The following GAB4 variants were observed in gnomAD, a reference collection of about 807,000 sequenced individuals.
GAB4 encodes the protein GRB2-associated-binding protein 4.
GAB4 carries 26 observed loss-of-function variants against 51.3 expected under a neutral mutation model. That is an observed-to-expected ratio of 0.51 (90% CI 0.37 to 0.70). The LOEUF is 0.70. Ranked by LOEUF, GAB4 falls within the 30% of genes least tolerant of loss-of-function variation. The pLI is 0.00. For missense variants in GAB4, 759 were observed against 734.6 expected (o/e 1.03, Z -0.38); for synonymous variants, 329 against 291.2 (o/e 1.13, Z -1.32).
At position 17,001,705 on chromosome 22, in the gene GAB4, G is replaced by A. The variant is rs183356884; in HGVS notation, c.174+6236C>T. ...TGCTGTAGATGAGCTGCTTTCCTTC[G>A]GAGGAGAAGAGGCGCTCTGATTTTC... On this transcript the variant is annotated intron_variant, in intron 1 of 9. Transcript: ENST00000400588. Among the ~76,000 whole-genome samples the A allele has an allele frequency of 2.4e-4, 36 of 152,236 alleles. No homozygotes were observed. The East Asian group carries it at 2.7e-3, about 11-fold the overall frequency.
In GAB4 at chr22:17,007,986, G is replaced by A. The variant is rs1245488457; in HGVS notation, c.129C>T (p.Ser43=). The A allele has an allele frequency of 6.2e-7, 1 of 1,611,994 alleles. No individual in the cohort carries two copies. Among genetic ancestry groups the A allele is most frequent in the Non-Finnish European group, 8.5e-7 (1 of 1,179,060 alleles). Residue 43 remains serine, a synonymous_variant, in exon 1 of 10, where the codon AGC becomes AGT. Transcript: ENST00000400588. ...CGGGGGGCGACTTCCTCAGCCAGCC[G>A]CTGTACAGCACGTGGCCACTTCTCG... ...GSTRSGHVLY[S]GWLRKSPPEK...
rs1259558986 is a variant in GAB4 at position 16,970,983 on chromosome 22, C to CTG, written c.687-791_687-790insCA. The stretch of plus-strand genomic sequence containing the variant: ...AGCCCAGACAGGCAGATGGCTTGAG[C>CTG]TCAAGAGTTCGAGACCAGCCTGGAC... On this transcript the variant is annotated intron_variant, in intron 3 of 9. Coordinates refer to ENST00000400588, the MANE Select transcript of GAB4 (RefSeq NM_001037814.1). Among the ~76,000 whole-genome samples, 5 of 151,640 alleles carry CTG rather than the reference C, an allele frequency of 3.3e-5. No individual in the cohort carries two copies. The East Asian group carries it at 9.7e-4, about 29-fold the overall frequency.
At chr22:17,002,921 T>C (rs2061009636) in intron 1 of GAB4, among the ~76,000 whole-genome samples, 2 of 152,298 alleles carry the variant, frequency 1.3e-5, no homozygotes, top group South Asian at 2.1e-4. Flanking sequence ...ATCAGTATGC[T>C]GTATTCAGGA....
At chr22:16,988,863 T>C (rs1439635078) in intron 2 of GAB4, among the ~76,000 whole-genome samples, 1 of 152,238 alleles carries the variant, frequency 6.6e-6, no homozygotes, top group Non-Finnish European at 1.5e-5. Context: ...TTCAGGCTTC[T>C]TTGCTTTGGC....
intron 3 of GAB4, 97 bp downstream of exon 3, chr22:16,987,863 T>G (rs1206976535): frequency 1.1e-6 from 1 of 906,752 alleles, no homozygotes; most frequent in Non-Finnish European, 1.7e-6. Flanking sequence ...GATATAATAT[T>G]TTATGTCTTT....
At chr22:16,982,898 G>A (rs1163890927) in intron 3 of GAB4, among the ~76,000 whole-genome samples, 1 of 152,154 alleles carries the variant, frequency 6.6e-6, no homozygotes, top group East Asian at 1.9e-4. Flanking sequence ...AAGGGTGGAA[G>A]GCTGCCCTGC....
chr22:16,982,970 A>G (rs976829635), intron 3 of GAB4, among the ~76,000 whole-genome samples: 4 of 152,230 alleles, frequency 2.6e-5, no homozygotes, highest in African/African-American at 9.6e-5. Flanking sequence ...TCCAGGGCTC[A>G]GGGCATAAAA....
At chr22:16,984,577 T>G (rs2060852647) in intron 3 of GAB4, among the ~76,000 whole-genome samples, 1 of 152,204 alleles carries the variant, frequency 6.6e-6, no homozygotes, top group Non-Finnish European at 1.5e-5. Context: ...GCATGTTGTG[T>G]TTTGTGTAGA....
At chr22:16,981,138 C>T (rs1303242424) in intron 3 of GAB4, among the ~76,000 whole-genome samples, 4 of 150,576 alleles carry the variant, frequency 2.7e-5, no homozygotes, top group African/African-American at 9.8e-5. Flanking sequence ...CACATGTATC[C>T]CAGAATTTAA....
rs538072272 is a variant in GAB4 at position 16,975,989 on chromosome 22, C to A, written c.687-5796G>T. On this transcript the variant is annotated intron_variant, in intron 3 of 9. Transcript: ENST00000400588. Reference sequence around the variant, plus strand: ...CAGAAAGGAATAGCATCAACAACAACAAAAAAAAACATCCACACAAAAACC... The same window carrying A: ...CAGAAAGGAATAGCATCAACAACAAAAAAAAAAAACATCCACACAAAAACC... Among the ~76,000 whole-genome samples, 64 of 150,772 alleles carry A rather than the reference C, an allele frequency of 4.2e-4. No individual in the cohort carries two copies. The South Asian group carries it at 0.012, about 28-fold the overall frequency.
At chr22:16,978,982 C>T (rs1452548137) in intron 3 of GAB4, among the ~76,000 whole-genome samples, 1 of 152,058 alleles carries the variant, frequency 6.6e-6, no homozygotes, top group Non-Finnish European at 1.5e-5. Context: ...AATTCAACAC[C>T]CCTTCGTGCT....
At chr22:16,963,462 T>C (rs1367155383) in intron 9 of GAB4, among the ~76,000 whole-genome samples, 1 of 152,130 alleles carries the variant, frequency 6.6e-6, no homozygotes, top group East Asian at 1.9e-4. Flanking sequence ...CCTGATTTAT[T>C]CCACAACCTC....
At chr22:16,996,113 A>G (rs1477426327) in intron 1 of GAB4, among the ~76,000 whole-genome samples, 1 of 151,944 alleles carries the variant, frequency 6.6e-6, no homozygotes, top group Admixed American at 6.6e-5. Context: ...GAAGAACATA[A>G]ATGACTTCAT....
rs1254359981 is a variant in GAB4, at chr22:17,008,074, G to T, written c.41C>A (p.Pro14Gln). 2 of 1,607,902 alleles carry T rather than the reference G, an allele frequency of 1.2e-6. No individual in the cohort carries two copies. The highest frequency in any genetic ancestry group is 2.7e-5 in the African/African-American group (2 of 74,784). The change falls in exon 1 of 10, where the codon CCA (proline) becomes CAA (glutamine). Residue 14 changes from proline to glutamine, a missense_variant. Physicochemically the swap from Pro to Gln is moderately conservative, Grantham distance 76. This residue lies in a region of GAB4 where 83 missense variants were observed against 73.1 expected (regional missense o/e 1.14). Coordinates refer to ENST00000400588, the MANE Select transcript of GAB4 (RefSeq NM_001037814.1). ...CAAAGGCGCAAATGCCGGGTCAGGT[G>T]GGCACAGCTCCCGGGAGGGTGAGGG... Reference protein sequence around the residue: ...PSPSPSRELCPPDPAFAPLSS... With the variant: ...PSPSPSRELCQPDPAFAPLSS...
rs558649232 is a variant in GAB4, at chr22:16,981,131, A to G, written c.686+6829T>C. 3.3e-5 allele frequency among the ~76,000 whole-genome samples: 5 copies of G among 152,154 alleles called. No individual in the cohort carries two copies. In the South Asian group the frequency reaches 6.2e-4, roughly 19 times the overall value. ...TGTAACAAACCTGCACGTTCTGCACATGTATCCCAGAATTTAAAGTATAAT... is the reference window on the plus strand; with the variant it reads ...TGTAACAAACCTGCACGTTCTGCACGTGTATCCCAGAATTTAAAGTATAAT... On this transcript the variant is annotated intron_variant, in intron 3 of 9. Coordinates refer to ENST00000400588, the MANE Select transcript of GAB4 (RefSeq NM_001037814.1).
chr22:17,007,963 G>C lies in GAB4; in HGVS notation c.152C>G (p.Pro51Arg). The change falls in exon 1 of 10, where the codon CCC becomes CGC. Residue 51 changes from proline (P) to arginine (R), a missense_variant. By Grantham distance (103) the Pro-to-Arg change is moderately radical. Coordinates refer to ENST00000400588, the MANE Select transcript of GAB4 (RefSeq NM_001037814.1). ...LYSGWLRKSP[P>R]EKKLRLFAWR... Reference sequence around the variant, plus strand: ...CACAAAGAGCCTCAGCTTCTTCTCGGGGGGCGACTTCCTCAGCCAGCCGCT... The same window carrying C: ...CACAAAGAGCCTCAGCTTCTTCTCGCGGGGCGACTTCCTCAGCCAGCCGCT... The C allele has an allele frequency of 6.2e-7, 1 of 1,605,446 alleles. No homozygotes were observed. Among genetic ancestry groups the C allele is most frequent in the Non-Finnish European group, 8.5e-7 (1 of 1,174,062 alleles).
intron 3 of GAB4, among the ~76,000 whole-genome samples, chr22:16,983,259 C>T (rs372041429): frequency 1.9e-4 from 29 of 152,206 alleles, no homozygotes; most frequent in Admixed American, 6.5e-4. Flanking sequence ...TCACAGCCTC[C>T]GTACTAGCAT....
intron 7 of GAB4, 104 bp downstream of exon 7, chr22:16,965,074 A>G (rs1219271966): frequency 1.6e-5 from 14 of 873,012 alleles, no homozygotes; most frequent in Non-Finnish European, 2.3e-5. Context: ...CCATGTCCAC[A>G]TCGACATGAG....
At chr22:16,969,869 A>G (rs1468013122) in intron 4 of GAB4, 74 bp downstream of exon 4, 1 of 1,555,848 alleles carries the variant, frequency 6.4e-7, no homozygotes, top group Non-Finnish European at 8.8e-7. Context: ...TGGCCGGAAC[A>G]CCACTATTGT....
Sources: allele counts gnomAD v4.1 joint callset (sites outside exome capture counted in the v4.1 genomes callset), GRCh38; gene constraint gnomAD v4.1.1; regional missense constraint gnomAD v4.1.1; transcripts MANE v1.5; gene names NCBI Gene and HGNC (gene_info 2026-07-23, HGNC 2026-07-21).